FGF12: variants seen among roughly 807,000 people sequenced by gnomAD.
FGF12 encodes fibroblast growth factor 12B.
Under a neutral mutation model 23.6 loss-of-function variants are expected in FGF12, and 14 were observed. The ratio of observed to expected loss-of-function variants is 0.59; its 90% CI spans 0.39 to 0.93. FGF12 has a LOEUF of 0.93. Among genes scored for constraint, FGF12 ranks in the 40% least tolerant of loss-of-function variants. The probability of loss-of-function intolerance (pLI) is 0.00; values close to 1 mark genes in which losing one functional copy is unlikely to be tolerated. For missense variants in FGF12, 175 were observed against 217.8 expected (o/e 0.80, Z 1.24); for synonymous variants, 62 against 77.3 (o/e 0.80, Z 1.04).
Position 192,408,325 on chromosome 3 carries a change from C to T in FGF12, c.14-47787G>A. The T allele has an allele frequency of 2.8e-6, 4 of 1,436,122 alleles. No homozygotes were observed. Among genetic ancestry groups the T allele is most frequent in the Non-Finnish European group, 3.6e-6 (4 of 1,099,460 alleles). The allele number at this position is 1,436,122 out of a possible 1,614,324, so 89.0% of individuals were successfully genotyped here. On this transcript the variant is annotated intron_variant, in intron 2 of 5. Coordinates refer to ENST00000445105, the MANE Select transcript of FGF12 (RefSeq NM_004113.6). This position sits in a 1 kb window ranked among gnomAD's most constrained non-coding sequence, Gnocchi z 7.3. ...CCTGGGCGGCCAGGGAAAGGGCAGT[C>T]GCGGGGAGGCAGTGCTAAAATTTGA... is the stretch of plus-strand genomic sequence containing the variant.
intron 2 of FGF12, among the ~76,000 whole-genome samples, chr3:192,576,479 A>G (rs1167615919): frequency 6.6e-6 from 1 of 152,208 alleles, no homozygotes; most frequent in East Asian, 1.9e-4. Flanking sequence ...GGAGGTAAGA[A>G]AAGGAAGTAT....
intron 2 of FGF12, among the ~76,000 whole-genome samples, chr3:192,682,297 G>A (rs539148466): frequency 2.0e-5 from 3 of 152,124 alleles, no homozygotes; most frequent in Non-Finnish European, 4.4e-5. Flanking sequence ...AGTCATGCAT[G>A]TTTTTTCCAA....
intron 2 of FGF12, among the ~76,000 whole-genome samples, chr3:192,519,776 A>G (rs1303079141): frequency 6.6e-6 from 1 of 152,162 alleles, no homozygotes; most frequent in East Asian, 1.9e-4. Flanking sequence ...TTATGTATTC[A>G]GTTATTTATT....
chr3:192,568,470 T>C (rs978605083), intron 2 of FGF12, among the ~76,000 whole-genome samples: 5 of 152,128 alleles, frequency 3.3e-5, no homozygotes, highest in African/African-American at 1.2e-4. Context: ...TCTCCTTGGG[T>C]TGTCTCCTCA....
chr3:192,258,471 T>C (rs1253579819), intron 4 of FGF12, among the ~76,000 whole-genome samples: 1 of 152,000 alleles, frequency 6.6e-6, no homozygotes, highest in East Asian at 1.9e-4. Context: ...AATAAATAAA[T>C]ACATAAATAA....
At chr3:192,356,348 G>A (rs916675624) in intron 3 of FGF12, among the ~76,000 whole-genome samples, 1 of 152,144 alleles carries the variant, frequency 6.6e-6, no homozygotes. Context: ...GAGGTAAAGA[G>A]AACAATACCT....
At chr3:192,152,558 C>CATT (rs1224849783) in intron 5 of FGF12, among the ~76,000 whole-genome samples, 1 of 147,228 alleles carries the variant, frequency 6.8e-6, no homozygotes, top group African/African-American at 2.5e-5. Context: ...TTTCTGCCTT[C>CATT]ATTTCGTTAT....
At chr3:192,155,039 T>C (rs535198217) in intron 5 of FGF12, among the ~76,000 whole-genome samples, 6,033 of 150,004 alleles carry the variant, frequency 0.04, 174 homozygotes, top group South Asian at 0.058. Flanking sequence ...TAAGCCGGTC[T>C]GAAAAGCGCA....
intron 2 of FGF12, among the ~76,000 whole-genome samples, chr3:192,393,665 A>C (rs1325662655): frequency 2.0e-5 from 3 of 152,206 alleles, no homozygotes; most frequent in Non-Finnish European, 2.9e-5. Flanking sequence ...CTATGGAAAT[A>C]GATAATGTGG....
chr3:192,461,144 T>C (rs79313679), intron 2 of FGF12, among the ~76,000 whole-genome samples: 5 of 152,030 alleles, frequency 3.3e-5, no homozygotes, highest in African/African-American at 9.7e-5. Context: ...CATTTAACAA[T>C]GGGATTTTTG....
intron 2 of FGF12, among the ~76,000 whole-genome samples, chr3:192,699,040 G>T (rs1240474425): frequency 2.6e-5 from 4 of 152,142 alleles, no homozygotes; most frequent in Non-Finnish European, 5.9e-5. Context: ...AAAGATATGG[G>T]TGATAACTTT....
intron 4 of FGF12, among the ~76,000 whole-genome samples, chr3:192,175,873 T>C (rs1336505917): frequency 1.3e-5 from 2 of 152,136 alleles, no homozygotes; most frequent in Non-Finnish European, 2.9e-5. Context: ...CCTTGATTCC[T>C]CTCCAACACT....
intron 2 of FGF12, chr3:192,516,648 C>A (rs1288052595): frequency 1.3e-5 from 2 of 152,226 alleles, no homozygotes; most frequent in Non-Finnish European, 2.9e-5. Context: ...CCTCTTAGCT[C>A]CTTTCAAAGC....
chr3:192,471,617 C>T (rs767706323), intron 2 of FGF12, among the ~76,000 whole-genome samples: 3 of 152,196 alleles, frequency 2.0e-5, no homozygotes, highest in Non-Finnish European at 2.9e-5. Flanking sequence ...ATTACTTCTT[C>T]ATCTTCACAA....
At chr3:192,441,680 T>G (rs1042824829) in intron 2 of FGF12, among the ~76,000 whole-genome samples, 1 of 152,228 alleles carries the variant, frequency 6.6e-6, no homozygotes, top group Admixed American at 6.5e-5. Flanking sequence ...GATTATTTTC[T>G]TCTTGTCCAA....
intron 4 of FGF12, among the ~76,000 whole-genome samples, chr3:192,262,249 C>T (rs1396884355): frequency 1.3e-5 from 2 of 152,114 alleles, no homozygotes; most frequent in Non-Finnish European, 2.9e-5. Context: ...CGTGGGGAGG[C>T]ATAAACTTTG....
chr3:192,239,692 G>T (rs952770978), intron 4 of FGF12, among the ~76,000 whole-genome samples: 1 of 152,176 alleles, frequency 6.6e-6, no homozygotes, highest in Non-Finnish European at 1.5e-5. Flanking sequence ...TAGGCTGAGC[G>T]CTGTTGGTGA....
chr3:192,481,121 C>T (rs756083249), intron 2 of FGF12, among the ~76,000 whole-genome samples: 1 of 152,074 alleles, frequency 6.6e-6, no homozygotes, highest in Non-Finnish European at 1.5e-5. Flanking sequence ...TTTTTATTTG[C>T]TGTATGTCTT....
chr3:192,239,778 T>C (rs1399664766), intron 4 of FGF12, among the ~76,000 whole-genome samples: 1 of 152,198 alleles, frequency 6.6e-6, no homozygotes, highest in Non-Finnish European at 1.5e-5. Flanking sequence ...AACTAGTCTG[T>C]GGAAAAATTG....
Sources: allele counts gnomAD v4.1 joint callset (sites outside exome capture counted in the v4.1 genomes callset), GRCh38; gene constraint gnomAD v4.1.1; non-coding constraint Gnocchi (gnomAD v3.1); transcripts MANE v1.5; gene names NCBI Gene and HGNC (gene_info 2026-07-23, HGNC 2026-07-21).